Variants in LRP1B observed in about 807,000 individuals in gnomAD.
LRP1B encodes low-density lipoprotein receptor-related protein 1B.
LRP1B carries 217 observed loss-of-function variants against 556.6 expected under a neutral mutation model. That is an observed-to-expected ratio of 0.39 (90% CI 0.35 to 0.44). The LOEUF is 0.44. Ranked by LOEUF, LRP1B falls within the 20% of genes least tolerant of loss-of-function variation. LRP1B has a pLI of 1.00. For missense variants in LRP1B, 5,053 were observed against 5,620.8 expected, an observed-to-expected ratio of 0.90 and a Z score of 3.23; for synonymous variants, 2,047 against 1,865.8, an observed-to-expected ratio of 1.10 and a Z score of -2.50.
At chr2:141,659,819 TATAACAAAA>T (rs1690147065) in intron 2 of LRP1B, among the ~76,000 whole-genome samples, 1 of 152,128 alleles carries the variant, frequency 6.6e-6, no homozygotes, top group African/African-American at 2.4e-5. Flanking sequence ...CTCAAAACAC[TATAACAAAA>T]ATCATAAAAG....
chr2:141,866,023 C>T (rs1045214911), intron 1 of LRP1B, among the ~76,000 whole-genome samples: 1 of 152,274 alleles, frequency 6.6e-6, no homozygotes, highest in Admixed American at 6.5e-5. Context: ...ATGCTTTATT[C>T]GATTTCACTG....
intron 3 of LRP1B, among the ~76,000 whole-genome samples, chr2:141,255,784 TCA>T (rs1684439159): frequency 1.3e-5 from 2 of 151,938 alleles, no homozygotes; most frequent in Admixed American, 6.6e-5. Flanking sequence ...TCCTTGGATT[TCA>T]CAGTTAGTTG....
In LRP1B at chr2:140,598,940, T is replaced by C. The variant is rs965427459; in HGVS notation, c.6990-105A>G. ...AGCTATTTTAAAAGAAGCAGAATTATTTACCTCATATTCTATCTTTAACAA... is the reference window on the plus strand; with the variant it reads ...AGCTATTTTAAAAGAAGCAGAATTACTTACCTCATATTCTATCTTTAACAA... On this transcript the variant is annotated intron_variant, in intron 42 of 90. Transcript: ENST00000389484. 4.2e-6 allele frequency: 3 copies of C among 710,368 alleles called. No individual in the cohort carries two copies. The African/African-American group carries it at 5.4e-5, about 13-fold the overall frequency. The allele number at this position is 710,368 out of a possible 1,614,324, so 44.0% of individuals were successfully genotyped here.
chr2:140,969,712 C>A (rs147429440), intron 18 of LRP1B, among the ~76,000 whole-genome samples: 8 of 152,184 alleles, frequency 5.3e-5, no homozygotes, highest in South Asian at 4.1e-4. Context: ...TCTTGTAGTG[C>A]GGGCCTAGTG....
rs540122120 is a variant in LRP1B, at chr2:141,838,320, A to G, written c.83-27919T>C. ...GAACTGACTCCTGGCCTATAGAGCC[A>G]CTCCACTGCATTAACCTGGTGAATT... On this transcript the variant is annotated intron_variant, in intron 1 of 90. Coordinates refer to ENST00000389484, the MANE Select transcript of LRP1B (RefSeq NM_018557.3). Among the ~76,000 whole-genome samples the G allele has an allele frequency of 3.3e-5, 5 of 152,180 alleles. No individual in the cohort carries two copies. The East Asian group carries it at 9.7e-4, about 29-fold the overall frequency.
chr2:140,833,761 T>C (rs113517852), intron 31 of LRP1B, among the ~76,000 whole-genome samples: 5 of 152,288 alleles, frequency 3.3e-5, no homozygotes, highest in African/African-American at 1.2e-4. Context: ...TGTGGGTCTG[T>C]TTTTCAGAGT....
At chr2:141,314,414 T>C (rs1315453312) in intron 3 of LRP1B, among the ~76,000 whole-genome samples, 1 of 152,166 alleles carries the variant, frequency 6.6e-6, no homozygotes, top group Non-Finnish European at 1.5e-5. Context: ...TATTTTTGAG[T>C]CTCCTAGGGA....
At chr2:140,428,313 G>A (rs568186148) in intron 66 of LRP1B, among the ~76,000 whole-genome samples, 10 of 152,260 alleles carry the variant, frequency 6.6e-5, no homozygotes, top group African/African-American at 2.4e-4. Flanking sequence ...CCTCCACTGC[G>A]AGACAAACCC....
chr2:140,565,998 G>C (rs1162549903), intron 43 of LRP1B, among the ~76,000 whole-genome samples: 1 of 152,194 alleles, frequency 6.6e-6, no homozygotes, highest in Non-Finnish European at 1.5e-5. Flanking sequence ...GCTTCCCCCA[G>C]AGAAGGAGTG....
At chr2:141,087,109 T>C (rs1700065746) in intron 7 of LRP1B, among the ~76,000 whole-genome samples, 1 of 152,214 alleles carries the variant, frequency 6.6e-6, no homozygotes, top group Non-Finnish European at 1.5e-5. Context: ...CTAGAGTTGA[T>C]GAAACCAGTT....
chr2:140,610,303 A>G (rs1318916520), intron 41 of LRP1B, among the ~76,000 whole-genome samples: 2 of 152,210 alleles, frequency 1.3e-5, no homozygotes, highest in African/African-American at 4.8e-5. Context: ...CAGAGCAAGC[A>G]ATCAAAATTA....
chr2:141,096,426 A>G (rs972564947), intron 7 of LRP1B, among the ~76,000 whole-genome samples: 4 of 152,194 alleles, frequency 2.6e-5, no homozygotes, highest in African/African-American at 9.6e-5. Flanking sequence ...CGTCTCTACA[A>G]AAAATACAAA....
chr2:140,604,614 A>G (rs1217124567), intron 41 of LRP1B, among the ~76,000 whole-genome samples: 2 of 152,158 alleles, frequency 1.3e-5, no homozygotes, highest in Non-Finnish European at 2.9e-5. Context: ...AAGGCAGTGA[A>G]GGGTATTATT....
At chr2:141,043,753 A>G (rs573732591) in intron 11 of LRP1B, among the ~76,000 whole-genome samples, 18 of 152,194 alleles carry the variant, frequency 1.2e-4, no homozygotes, top group African/African-American at 4.3e-4. Flanking sequence ...ATAGTAAATT[A>G]TCATTTTTAT....
intron 22 of LRP1B, among the ~76,000 whole-genome samples, chr2:140,903,901 A>T (rs1288799599): frequency 6.6e-6 from 1 of 152,020 alleles, no homozygotes; most frequent in Non-Finnish European, 1.5e-5. Context: ...ATATAATTAC[A>T]TGATTACATA....
intron 7 of LRP1B, among the ~76,000 whole-genome samples, chr2:141,169,800 C>CAAAAAAAAAAAAA: frequency 1.1e-5 from 1 of 87,392 alleles, no homozygotes; most frequent in Non-Finnish European, 2.4e-5. Context: ...ACACCTTAAC[C>CAAAAAAAAAAAAA]AAAAAAAAAA....
At chr2:141,586,779 A>G (rs1687149053) in intron 2 of LRP1B, among the ~76,000 whole-genome samples, 1 of 152,102 alleles carries the variant, frequency 6.6e-6, no homozygotes, top group African/African-American at 2.4e-5. Context: ...CGTCTCTACT[A>G]AAAACACAAA....
chr2:141,356,198 A>G (rs1194167609), intron 3 of LRP1B, among the ~76,000 whole-genome samples: 1 of 152,214 alleles, frequency 6.6e-6, no homozygotes, highest in Non-Finnish European at 1.5e-5. Context: ...AAAGACACCA[A>G]TAGTAGCAGC....
chr2:141,791,297 T>A (rs944501024), intron 2 of LRP1B, among the ~76,000 whole-genome samples: 6 of 151,980 alleles, frequency 3.9e-5, no homozygotes, highest in African/African-American at 1.4e-4. Flanking sequence ...TTTGTTCACC[T>A]TTATAAATGC....
Sources: gnomAD v4.1 joint callset for allele counts (sites outside exome capture counted in the v4.1 genomes callset) on GRCh38, gnomAD v4.1.1 for gene constraint, MANE v1.5 for transcripts, NCBI Gene and HGNC (gene_info 2026-07-23, HGNC 2026-07-21) for gene names.